Variants in MYLK observed in about 807,000 individuals in gnomAD.
The protein encoded by MYLK is myosin light chain kinase, also known as myosin light chain kinase, smooth muscle.
In MYLK, 106 loss-of-function variants were observed where a neutral mutation model predicts 203.4. The observed-to-expected ratio is 0.52, with a 90% CI of 0.45 to 0.61. The LOEUF (loss-of-function observed/expected upper bound fraction) is 0.61, where lower values mean the gene tolerates loss of function less well. Among genes scored for constraint, MYLK ranks in the 20% least tolerant of loss-of-function variants. The probability of loss-of-function intolerance (pLI) is 0.00; values close to 1 mark genes in which losing one functional copy is unlikely to be tolerated. For synonymous variants in MYLK, 867 were observed against 959.5 expected (o/e 0.90, Z 1.78); for missense variants, 2,072 against 2,442.3 (o/e 0.85, Z 3.20).
intron 24 of MYLK, among the ~76,000 whole-genome samples, chr3:123,649,790 C>T (rs1024528716): frequency 2.6e-5 from 4 of 152,192 alleles, no homozygotes; most frequent in Non-Finnish European, 5.9e-5. Context: ...TAATCACGCA[C>T]ATATCACCAT....
chr3:123,668,705 A>G (rs1464367641), intron 20 of MYLK, among the ~76,000 whole-genome samples: 1 of 152,152 alleles, frequency 6.6e-6, no homozygotes, highest in Non-Finnish European at 1.5e-5. Context: ...CACCAGTGAG[A>G]TCTTCCCTAA....
intron 19 of MYLK, among the ~76,000 whole-genome samples, chr3:123,684,721 A>C (rs1179626962): frequency 6.6e-6 from 1 of 152,138 alleles, no homozygotes; most frequent in Non-Finnish European, 1.5e-5. Context: ...TTTTCAGTAG[A>C]GATGGGGTTT....
intron 2 of MYLK, among the ~76,000 whole-genome samples, chr3:123,873,884 T>G (rs1313698841): frequency 1.3e-5 from 2 of 152,062 alleles, no homozygotes; most frequent in African/African-American, 4.8e-5. Context: ...AAACAGAATT[T>G]TACTAAAAGT....
chr3:123,726,450 G>A (rs941274998), intron 11 of MYLK, among the ~76,000 whole-genome samples: 1 of 152,226 alleles, frequency 6.6e-6, no homozygotes, highest in South Asian at 2.1e-4. Context: ...CTATTTTCTA[G>A]TGTCTCTTAT....
intron 4 of MYLK, among the ~76,000 whole-genome samples, chr3:123,775,700 A>G (rs1576931748): frequency 6.6e-6 from 1 of 152,306 alleles, no homozygotes; most frequent in East Asian, 1.9e-4. Flanking sequence ...CAGAGAAGAA[A>G]AGAGAAAAAG....
rs1016580068 is a variant in MYLK, at chr3:123,612,585, C to G, written c.*1520G>C. On this transcript the variant is annotated 3_prime_UTR_variant, in exon 34 of 34. Coordinates refer to ENST00000360304, the MANE Select transcript of MYLK (RefSeq NM_053025.4). Reference sequence around the variant, plus strand: ...TAAACTGTGGCAATACTGTGGCTATCATGAAAAATATTGTAACTATTTTAA... The same window carrying G: ...TAAACTGTGGCAATACTGTGGCTATGATGAAAAATATTGTAACTATTTTAA... The G allele has an allele frequency of 3.3e-5, 5 of 152,452 alleles. No homozygotes were observed. Among genetic ancestry groups the G allele is most frequent in the South Asian group, 4.1e-4 (2 of 4,822 alleles). 9.4% of individuals were successfully genotyped at this position (152,452 alleles called of 1,614,324 possible).
At position 123,626,865 on chromosome 3, in the gene MYLK, G is replaced by A; in HGVS notation, c.5191C>T (p.Leu1731Phe). ...KDTKNMEAKK[L>F]SKDRMKKYMA... ...TACTTCTTCATCCGGTCCTTGGAGA[G>A]TTTCTTGGCCTCCATGTTCTTGGTA... The change falls in exon 31 of 34, where the codon CTC becomes TTC. Residue 1731 changes from leucine to phenylalanine, a missense_variant. Transcript: ENST00000360304. 6.2e-7 allele frequency: 1 copy of A among 1,614,210 alleles called. No homozygotes were observed. Among genetic ancestry groups the A allele is most frequent in the Non-Finnish European group, 8.5e-7 (1 of 1,180,042 alleles).
intron 2 of MYLK, among the ~76,000 whole-genome samples, chr3:123,833,214 C>T (rs2066389496): frequency 6.6e-6 from 1 of 152,116 alleles, no homozygotes; most frequent in Admixed American, 6.5e-5. Context: ...CAAATGAGAG[C>T]TCAAGCAGAA....
chr3:123,691,410 A>G (rs1340400242), intron 19 of MYLK: 1 of 152,180 alleles, frequency 6.6e-6, no homozygotes, highest in African/African-American at 2.4e-5. Flanking sequence ...GCTTCCTTAG[A>G]CTCAGAGCCC....
intron 4 of MYLK, among the ~76,000 whole-genome samples, chr3:123,779,516 G>A (rs1456474903): frequency 6.6e-6 from 1 of 152,188 alleles, no homozygotes; most frequent in African/African-American, 2.4e-5. Flanking sequence ...CCAGGCTTGG[G>A]ACTCTGTGCT....
intron 5 of MYLK, among the ~76,000 whole-genome samples, chr3:123,746,528 A>C (rs931604295): frequency 1.1e-4 from 16 of 152,286 alleles, no homozygotes; most frequent in African/African-American, 3.8e-4. Context: ...GGCAAAGTGG[A>C]TGGTGAAGAT....
At chr3:123,783,307 G>A (rs2064371898) in intron 4 of MYLK, among the ~76,000 whole-genome samples, 1 of 152,096 alleles carries the variant, frequency 6.6e-6, no homozygotes, top group African/African-American at 2.4e-5. Flanking sequence ...TTCCAACAAA[G>A]GAAAACCTCA....
At chr3:123,799,914 G>A (rs1045298916) in intron 3 of MYLK, 3 of 152,386 alleles carry the variant, frequency 2.0e-5, no homozygotes, top group Non-Finnish European at 4.4e-5. Context: ...GTACTGCAGA[G>A]GTTCCTGTCC....
At chr3:123,705,582 C>T (rs1400102504) in intron 16 of MYLK, among the ~76,000 whole-genome samples, 1 of 152,208 alleles carries the variant, frequency 6.6e-6, no homozygotes, top group East Asian at 1.9e-4. Flanking sequence ...GACGATGAGG[C>T]TGGATAACTT....
intron 3 of MYLK, among the ~76,000 whole-genome samples, chr3:123,820,294 G>A (rs1187529072): frequency 3.3e-5 from 5 of 152,182 alleles, no homozygotes; most frequent in African/African-American, 7.2e-5. Flanking sequence ...GTATGAATGG[G>A]AGCAGGGAAG....
At chr3:123,861,308 C>T (rs9854803) in intron 2 of MYLK, among the ~76,000 whole-genome samples, 2,201 of 152,352 alleles carry the variant, frequency 0.014, 54 homozygotes, top group African/African-American at 0.05. Context: ...TGGGTTCACA[C>T]CCAGCACCAT....
intron 4 of MYLK, among the ~76,000 whole-genome samples, chr3:123,785,042 C>T (rs2064457124): frequency 6.6e-6 from 1 of 152,186 alleles, no homozygotes; most frequent in African/African-American, 2.4e-5. Flanking sequence ...TTTAATCACC[C>T]CGACTTCTGC....
intron 4 of MYLK, among the ~76,000 whole-genome samples, chr3:123,786,658 T>G (rs2064543200): frequency 6.6e-6 from 1 of 152,180 alleles, no homozygotes; most frequent in Non-Finnish European, 1.5e-5. Context: ...GTAATTGACT[T>G]GTTTGTAACT....
In MYLK at chr3:123,707,951, T is replaced by C. The variant is rs376661088; in HGVS notation, c.2193A>G (p.Thr731=). Reference sequence around the variant, plus strand: ...TGAGGACACTCTGGCCCAGGGAGGCTGTCACTGAGCGAGGCTTACTGATGA... The same window carrying C: ...TGAGGACACTCTGGCCCAGGGAGGCCGTCACTGAGCGAGGCTTACTGATGA... The part of the protein sequence containing the change: ...PWFISKPRSV[T]ASLGQSVLIS... Residue 731 remains threonine (T), a synonymous_variant, in exon 16 of 34, where the codon ACA becomes ACG. Transcript: ENST00000360304. 6 of 1,614,218 alleles carry C rather than the reference T, an allele frequency of 3.7e-6. No individual in the cohort carries two copies. The highest frequency in any genetic ancestry group is 5.1e-6 in the Non-Finnish European group (6 of 1,180,048).
Sources: allele counts gnomAD v4.1 joint callset (sites outside exome capture counted in the v4.1 genomes callset), GRCh38; gene constraint gnomAD v4.1.1; transcripts MANE v1.5; gene names NCBI Gene and HGNC (gene_info 2026-07-23, HGNC 2026-07-21).